SLC38A8: variants seen among roughly 807,000 people sequenced by gnomAD.
SLC38A8 encodes the protein amino acid transporter SLC38A8.
In SLC38A8, 65 loss-of-function variants were observed where a neutral mutation model predicts 46.0. The ratio of observed to expected loss-of-function variants is 1.41; its 90% CI spans 1.16 to 1.74. The LOEUF (loss-of-function observed/expected upper bound fraction) is 1.74, where lower values mean the gene tolerates loss of function less well. SLC38A8 is among the 40% of genes most tolerant of loss of function. The pLI is 0.00. For missense variants in SLC38A8, 998 were observed against 567.9 expected (o/e 1.76, Z -7.70); for synonymous variants, 447 against 243.7 (o/e 1.83, Z -7.77).
chr16:84,016,680 C>T lies in SLC38A8; in HGVS notation c.1001G>A (p.Gly334Glu). ...FWRRSCLGGW[G>E]PSALADPSGL... ...TGAGGGGTCGGCCAGGGCGCTGGGC[C>T]CCCATCCCCCCAAGCAGCTCCTCCT... The change falls in exon 9 of 11, where the codon GGG becomes GAG. Residue 334 changes from glycine (G) to glutamate (E), a missense_variant. Coordinates refer to ENST00000299709, the MANE Select transcript of SLC38A8 (RefSeq NM_001080442.3). 1 of 1,613,460 alleles carries T rather than the reference C, an allele frequency of 6.2e-7. No individual in the cohort carries two copies. The highest frequency in any genetic ancestry group is 8.5e-7 in the Non-Finnish European group (1 of 1,179,986).
rs375829411 is a variant in SLC38A8, at chr16:84,042,002, C to T, written c.156G>A (p.Ala52=). ...CCAGGAAGGCAGGGACCACTCCGCC[C>T]GCTTTGGAGAAGGCCCAGGGGAAGT... The part of the protein sequence containing the change: ...LLNFPWAFSK[A]GGVVPAFLVE... The change falls in exon 2 of 11, where the codon GCG becomes GCA. Residue 52 remains alanine (A), a synonymous_variant. Coordinates refer to ENST00000299709, the MANE Select transcript of SLC38A8 (RefSeq NM_001080442.3). The T allele has an allele frequency of 9.3e-6, 15 of 1,610,206 alleles. No homozygotes were observed. The highest frequency in any genetic ancestry group is 6.7e-5 in the African/African-American group (5 of 74,828).
chr16:84,038,090 C>A (rs1423684303), intron 2 of SLC38A8, among the ~76,000 whole-genome samples: 3 of 152,084 alleles, frequency 2.0e-5, no homozygotes, highest in Admixed American at 1.3e-4. Flanking sequence ...GCGGGAGGAT[C>A]ACCTGAGGTC....
intron 10 of SLC38A8, among the ~76,000 whole-genome samples, chr16:84,011,670 G>C (rs1337962397): frequency 2.0e-5 from 3 of 152,226 alleles, no homozygotes; most frequent in Admixed American, 1.3e-4. Context: ...AAGATCTTGA[G>C]AGAAGATACA....
At position 84,022,787 on chromosome 16, in the gene SLC38A8, A is replaced by G; in HGVS notation, c.793T>C (p.Tyr265His). 6.2e-7 allele frequency: 1 copy of G among 1,614,064 alleles called. No homozygotes were observed. ...GGAAGGGCCTTACCCGTCAGTGAAT[A>G]GATGAGGCAGCAGGCCAGCAAGGAC... is the stretch of plus-strand genomic sequence containing the variant. ...VLSLLACCLI[Y>H]SLTGVYGFLT... Residue 265 changes from tyrosine (Y) to histidine (H), a missense_variant, in exon 7 of 11, where the codon TAT (tyrosine) becomes CAT (histidine). Coordinates refer to ENST00000299709, the MANE Select transcript of SLC38A8 (RefSeq NM_001080442.3).
chr16:84,012,420 A>T (rs531209021), intron 10 of SLC38A8, among the ~76,000 whole-genome samples: 1 of 152,338 alleles, frequency 6.6e-6, no homozygotes, highest in East Asian at 1.9e-4. Context: ...TCTCAACAGC[A>T]TTGTATGCCA....
At chr16:84,019,000 C>G (rs912650989) in intron 7 of SLC38A8, among the ~76,000 whole-genome samples, 115 of 152,172 alleles carry the variant, frequency 7.6e-4, no homozygotes, top group Non-Finnish European at 5.3e-4. Flanking sequence ...GGTGGCCTCT[C>G]CCAGAGGAAT....
At chr16:84,031,535 C>G (rs1258923010) in intron 5 of SLC38A8, among the ~76,000 whole-genome samples, 1 of 151,722 alleles carries the variant, frequency 6.6e-6, no homozygotes, top group African/African-American at 2.4e-5. Flanking sequence ...GTTCCCCTGC[C>G]CCGGTACATG....
At chr16:84,026,638 C>T in intron 6 of SLC38A8, among the ~76,000 whole-genome samples, 1 of 152,200 alleles carries the variant, frequency 6.6e-6, no homozygotes, top group Non-Finnish European at 1.5e-5. Flanking sequence ...GAAGACGACA[C>T]AGTGGCCAAA....
In SLC38A8 at chr16:84,019,957, C is replaced by A. The variant is rs530983273; in HGVS notation, c.806-2670G>T. Reference sequence around the variant, plus strand: ...ACTCCTACGGCTTTGCCGGGTACAGCCCACGTGTCTGTTCACAGGGGTTGG... The same window carrying A: ...ACTCCTACGGCTTTGCCGGGTACAGACCACGTGTCTGTTCACAGGGGTTGG... On this transcript the variant is annotated intron_variant, in intron 7 of 10. Transcript: ENST00000299709. Among the ~76,000 whole-genome samples the A allele has an allele frequency of 4.9e-4, 75 of 152,342 alleles. 1 individual carries two copies. In the South Asian group the frequency reaches 5.2e-3, roughly 11 times the overall value.
intron 2 of SLC38A8, among the ~76,000 whole-genome samples, chr16:84,040,193 T>C (rs2085352462): frequency 6.6e-6 from 1 of 152,086 alleles, no homozygotes; most frequent in Non-Finnish European, 1.5e-5. Flanking sequence ...CACAGTGACA[T>C]CACTCCAGCC....
chr16:84,034,702 G>A (rs1021933343), intron 3 of SLC38A8, among the ~76,000 whole-genome samples: 6 of 152,186 alleles, frequency 3.9e-5, no homozygotes, highest in African/African-American at 1.4e-4. Flanking sequence ...CCAAAAGCAG[G>A]TGGTCACAGC....
In SLC38A8 at chr16:84,029,488, A is replaced by G. The variant is rs2085211750; in HGVS notation, c.690+6T>C. 3 of 1,613,882 alleles carry G rather than the reference A, an allele frequency of 1.9e-6. No individual in the cohort carries two copies. Among genetic ancestry groups the G allele is most frequent in the Non-Finnish European group, 2.5e-6 (3 of 1,179,940 alleles). On this transcript the variant is annotated splice_donor_region_variant and intron_variant, in intron 6 of 10. Transcript: ENST00000299709. Reference sequence around the variant, plus strand: ...CCACAGGCTGCAACACAGATGCTAAAATTACCTGAAACCCGAAGCAGATGG... The same window carrying G: ...CCACAGGCTGCAACACAGATGCTAAGATTACCTGAAACCCGAAGCAGATGG...
Position 84,017,193 on chromosome 16 carries a change from G to A in SLC38A8, c.900C>T (p.Val300=), listed in dbSNP as rs530927923. ...CAGTTACGATGGAGACAGCAAAAAG[G>A]ACCCGGGCCACAATGATGACCATAT... ...GNDMVIIVAR[V]LFAVSIVTVY... is the part of the protein sequence containing the mutation. Residue 300 remains valine, a synonymous_variant, in exon 8 of 11, where the codon GTC becomes GTT. Coordinates refer to ENST00000299709, the MANE Select transcript of SLC38A8 (RefSeq NM_001080442.3). 1.9e-6 allele frequency: 3 copies of A among 1,614,124 alleles called. No individual in the cohort carries two copies. The highest frequency in any genetic ancestry group is 2.2e-5 in the East Asian group (1 of 44,890).
chr16:84,009,946 A>G (rs994356484), intron 10 of SLC38A8, 69 bp from the exon 11 acceptor site: 8 of 1,384,288 alleles, frequency 5.8e-6, no homozygotes, highest in Non-Finnish European at 7.0e-6. Context: ...ACACACATAA[A>G]AAATTCACTA....
intron 10 of SLC38A8, among the ~76,000 whole-genome samples, chr16:84,010,092 G>GT (rs1302822088): frequency 4.9e-5 from 4 of 82,304 alleles, no homozygotes; most frequent in African/African-American, 3.4e-4. Flanking sequence ...TTTTTTTGAG[G>GT]TGGAGTCTCA....
At chr16:84,024,082 T>C (rs995631659) in intron 6 of SLC38A8, among the ~76,000 whole-genome samples, 1 of 152,180 alleles carries the variant, frequency 6.6e-6, no homozygotes, top group African/African-American at 2.4e-5. Flanking sequence ...GGCCGGGACC[T>C]ACTACATGCC....
intron 2 of SLC38A8, among the ~76,000 whole-genome samples, chr16:84,039,062 C>CA (rs2151129767): frequency 6.6e-6 from 1 of 152,228 alleles, no homozygotes; most frequent in African/African-American, 2.4e-5. Context: ...GGTGGGCCCT[C>CA]AACCCATTGA....
At chr16:84,017,977 A>T (rs577990017) in intron 7 of SLC38A8, among the ~76,000 whole-genome samples, 1 of 152,248 alleles carries the variant, frequency 6.6e-6, no homozygotes, top group South Asian at 2.1e-4. Context: ...TCTGCTGGGG[A>T]AGGAGTCACC....
Position 84,009,884 on chromosome 16 carries a change from A to G in SLC38A8, c.1215-7T>C. The G allele has an allele frequency of 6.2e-7, 1 of 1,612,408 alleles. No individual in the cohort carries two copies. The highest frequency in any genetic ancestry group is 1.1e-5 in the South Asian group (1 of 90,758). ...CCAGACCTCCAGGCAGCACCTGCCA[A>G]GTGAATAAACCCATGTCAGAGCTTT... On this transcript the variant is annotated splice_region_variant and splice_polypyrimidine_tract_variant and intron_variant, in intron 10 of 10. Transcript: ENST00000299709.
Sources: gnomAD v4.1 joint callset for allele counts (sites outside exome capture counted in the v4.1 genomes callset) on GRCh38, gnomAD v4.1.1 for gene constraint, MANE v1.5 for transcripts, NCBI Gene and HGNC (gene_info 2026-07-23, HGNC 2026-07-21) for gene names.